Variants in SERPINB4 observed in about 807,000 individuals in gnomAD.
SERPINB4 encodes serpin B4.
SERPINB4 carries 39 observed loss-of-function variants against 33.2 expected under a neutral mutation model. The observed-to-expected ratio is 1.18, with a 90% CI of 0.91 to 1.53. The LOEUF (loss-of-function observed/expected upper bound fraction) is 1.53. Ranked by LOEUF, SERPINB4 falls within the 40% of genes most tolerant of loss-of-function variation. SERPINB4 has a pLI of 0.00. For synonymous variants in SERPINB4, 191 were observed against 166.4 expected (o/e 1.15, Z -1.14); for missense variants, 564 against 455.4 (o/e 1.24, Z -2.17).
intron 4 of SERPINB4, 35 bp from the exon 5 acceptor site, chr18:63,641,026 G>A: frequency 6.5e-7 from 1 of 1,536,902 alleles, no homozygotes; most frequent in Non-Finnish European, 9.0e-7. Context: ...GGAATTAGGA[G>A]TAATTTATGT....
chr18:63,638,748 T>C (rs1226894253), intron 7 of SERPINB4, among the ~76,000 whole-genome samples: 10 of 136,414 alleles, frequency 7.3e-5, no homozygotes, highest in Non-Finnish European at 1.5e-4. Flanking sequence ...AAATCATAGA[T>C]GGGAATTGAA....
rs199573595 is a variant in SERPINB4 at position 63,637,976 on chromosome 18, T to G, written c.916A>C (p.Asn306His). Residue 306 changes from asparagine to histidine, a missense_variant, in exon 8 of 8, where the codon AAT becomes CAT. Asn to His is a moderately conservative substitution (Grantham distance 68). Coordinates refer to ENST00000341074, the MANE Select transcript of SERPINB4 (RefSeq NM_002974.4). ...KDTLRTMGMVNIFNGDADLSG... is the reference protein window; with the variant it reads ...KDTLRTMGMVHIFNGDADLSG... ...AGGTCTGCATCCCCATTGAAGATAT[T>G]CACCATTCCCATGGTTCTCAACGTG... 1.7e-4 allele frequency: 275 copies of G among 1,613,542 alleles called. 1 individual carries two copies. Among genetic ancestry groups the G allele is most frequent in the Non-Finnish European group, 2.8e-5 (33 of 1,179,774 alleles).
chr18:63,637,464 A>G lies in SERPINB4; in HGVS notation c.*255T>C, dbSNP rs1439427372. 8 of 391,652 alleles carry G rather than the reference A, an allele frequency of 2.0e-5. No individual in the cohort carries two copies. The East Asian group carries it at 2.8e-4, about 13-fold the overall frequency. 24.3% of individuals were successfully genotyped at this position (391,652 alleles called of 1,614,324 possible). A position where few individuals can be genotyped will look rare whatever the true frequency, so the allele number is the denominator to read the frequency against. On this transcript the variant is annotated 3_prime_UTR_variant, in exon 8 of 8. Transcript: ENST00000341074. ...TCAAATTTAGAAGACACGGTATTAA[A>G]TGATTCATCTTATCTTGGACATTTT... is the stretch of plus-strand genomic sequence containing the variant.
At chr18:63,643,638 T>C in intron 1 of SERPINB4, 35 bp from the exon 2 acceptor site, 4 of 1,569,860 alleles carry the variant, frequency 2.5e-6, no homozygotes, top group Non-Finnish European at 3.5e-6. Flanking sequence ...AGAATGACTT[T>C]AATAAATGGA....
At chr18:63,640,048 C>A (rs1248771335) in intron 5 of SERPINB4, among the ~76,000 whole-genome samples, 2 of 152,042 alleles carry the variant, frequency 1.3e-5, no homozygotes, top group African/African-American at 4.8e-5. Flanking sequence ...ATGAATGTCT[C>A]CAATCATCTG....
At chr18:63,643,312 T>C in intron 2 of SERPINB4, 95 bp from the exon 3 acceptor site, 2 of 1,610,366 alleles carry the variant, frequency 1.2e-6, no homozygotes, top group Non-Finnish European at 1.7e-6. Flanking sequence ...CACAGCCCCC[T>C]GTGCTACCCA....
intron 1 of SERPINB4, 141 bp from the exon 2 acceptor site, chr18:63,643,744 T>A: frequency 1.1e-6 from 1 of 913,010 alleles, no homozygotes; most frequent in Non-Finnish European, 1.7e-6. Context: ...AACGCTTCAA[T>A]CTTTCTACAA....
At chr18:63,642,906 C>A in intron 3 of SERPINB4, 1 of 483,948 alleles carries the variant, frequency 2.1e-6, no homozygotes, top group Non-Finnish European at 3.7e-6. Context: ...TTGTGAAGAG[C>A]AAAGCTGGAG....
intron 3 of SERPINB4, 23 bp from the exon 4 acceptor site, chr18:63,641,911 T>G: frequency 3.1e-6 from 5 of 1,611,456 alleles, no homozygotes; most frequent in Non-Finnish European, 4.2e-6. Flanking sequence ...AAAAGGGAGA[T>G]CATTCAATTG....
At position 63,637,456 on chromosome 18, in the gene SERPINB4, G is replaced by A. The variant is rs1275302365; in HGVS notation, c.*263C>T. On this transcript the variant is annotated 3_prime_UTR_variant, in exon 8 of 8. Coordinates refer to ENST00000341074, the MANE Select transcript of SERPINB4 (RefSeq NM_002974.4). ...ATTATATTTCAAATTTAGAAGACAC[G>A]GTATTAAATGATTCATCTTATCTTG... 6 of 341,066 alleles carry A rather than the reference G, an allele frequency of 1.8e-5. No individual in the cohort carries two copies. Among genetic ancestry groups the A allele is most frequent in the East Asian group, 4.6e-5 (1 of 21,754 alleles). The allele number at this position is 341,066 out of a possible 1,614,324, so 21.1% of individuals were successfully genotyped here.
chr18:63,637,733 A>C lies in SERPINB4; in HGVS notation c.1159T>G (p.Phe387Val). The C allele has an allele frequency of 1.2e-6, 2 of 1,606,620 alleles. No individual in the cohort carries two copies. The highest frequency in any genetic ancestry group is 2.2e-5 in the South Asian group (2 of 89,652). ...ACTAATTGCATCTATGGGGATGAGA[A>C]TCTGCCATAGAAGAGGATGCTGTTG... ...KTNSILFYGR[F>V]SSP is the part of the protein sequence containing the mutation. Residue 387 changes from phenylalanine (F) to valine (V), a missense_variant, in exon 8 of 8, where the codon TTC becomes GTC. Phe to Val is a conservative substitution (Grantham distance 50, BLOSUM62 -1). Coordinates refer to ENST00000341074, the MANE Select transcript of SERPINB4 (RefSeq NM_002974.4).
chr18:63,643,299 C>T (rs1456644049), intron 2 of SERPINB4, 82 bp from the exon 3 acceptor site: 6 of 1,611,354 alleles, frequency 3.7e-6, no homozygotes, highest in Non-Finnish European at 4.2e-6. Flanking sequence ...ATGGGAATTC[C>T]TGCACAGCCC....
intron 7 of SERPINB4, 48 bp downstream of exon 7, chr18:63,639,137 G>A: frequency 6.5e-7 from 1 of 1,531,352 alleles, no homozygotes; most frequent in South Asian, 1.3e-5. Context: ...GGTATCTTTG[G>A]AAAAATGTCC....
chr18:63,640,156 G>A (rs949908844), intron 5 of SERPINB4, among the ~76,000 whole-genome samples: 18 of 151,204 alleles, frequency 1.2e-4, no homozygotes, highest in African/African-American at 4.1e-4. Flanking sequence ...TTTTAACTAC[G>A]GGGTCCCCAT....
intron 4 of SERPINB4, among the ~76,000 whole-genome samples, chr18:63,641,413 C>G (rs1174574863): frequency 6.6e-6 from 1 of 152,066 alleles, no homozygotes; most frequent in African/African-American, 2.4e-5. Flanking sequence ...CCTGCCCATT[C>G]CAATAATATC....
intron 7 of SERPINB4, among the ~76,000 whole-genome samples, chr18:63,638,927 A>G (rs540638894): frequency 5.7e-4 from 86 of 152,014 alleles, no homozygotes; most frequent in African/African-American, 2.0e-3. Context: ...TAACCTGCAC[A>G]TTGTGCACAT....
rs113283546 is a variant in SERPINB4, at chr18:63,643,071, C to A, written c.222+90G>T. The A allele has an allele frequency of 3.5e-3, 5,365 of 1,532,020 alleles. 13 individuals carry two copies. The highest frequency in any genetic ancestry group is 4.2e-3 in the African/African-American group (309 of 72,858). 94.9% of individuals were successfully genotyped at this position (1,532,020 alleles called of 1,614,324 possible). A position where few individuals can be genotyped will look rare whatever the true frequency, so the allele number is the denominator to read the frequency against. On this transcript the variant is annotated intron_variant, in intron 3 of 7. Transcript: ENST00000341074. ...TTTGTGTCCAAGATTTTCCCTAAAA[C>A]TGGCCTTTTCTTAGTTTTTGTGAAG...
intron 5 of SERPINB4, 84 bp downstream of exon 5, chr18:63,640,790 A>G: frequency 8.5e-7 from 1 of 1,173,128 alleles, no homozygotes; most frequent in East Asian, 2.4e-5. Flanking sequence ...CAATCCCCAC[A>G]CCTGTTCCCC....
At chr18:63,639,906 A>G (rs1272786320) in intron 5 of SERPINB4, 130 bp from the exon 6 acceptor site, 5 of 856,308 alleles carry the variant, frequency 5.8e-6, no homozygotes, top group Middle Eastern at 3.5e-4. Context: ...ACTGACTTTG[A>G]TCTTTGAATT....
Sources: gnomAD v4.1 joint callset for allele counts (sites outside exome capture counted in the v4.1 genomes callset) on GRCh38, gnomAD v4.1.1 for gene constraint, MANE v1.5 for transcripts, NCBI Gene and HGNC (gene_info 2026-07-23, HGNC 2026-07-21) for gene names.